The following RPP30 variants were observed in gnomAD, a reference collection of about 807,000 sequenced individuals.
RPP30 encodes ribonuclease P protein subunit p30.
RPP30 carries 36 observed loss-of-function variants against 38.6 expected under a neutral mutation model. That is an observed-to-expected ratio of 0.93 (90% CI 0.71 to 1.23). The LOEUF (loss-of-function observed/expected upper bound fraction) is 1.23, where lower values mean the gene tolerates loss of function less well. Ranked by LOEUF, RPP30 falls within the 50% of genes most tolerant of loss-of-function variation. The pLI is 0.00. For missense variants in RPP30, 321 were observed against 321.7 expected, an observed-to-expected ratio of 1.00 and a Z score of 0.02; for synonymous variants, 126 against 112.7, an observed-to-expected ratio of 1.12 and a Z score of -0.75.
At chr10:90,886,838 A>G (rs1403176270) in intron 6 of RPP30, among the ~76,000 whole-genome samples, 1 of 152,248 alleles carries the variant, frequency 6.6e-6, no homozygotes, top group African/African-American at 2.4e-5. Context: ...TTGCCTCTGT[A>G]GAATCATAAC....
At chr10:90,895,012 A>G in intron 7 of RPP30, 121 bp downstream of exon 7, 1 of 794,550 alleles carries the variant, frequency 1.3e-6, no homozygotes, top group South Asian at 1.4e-5. Context: ...ATAGGAACAA[A>G]TTCTGCCATT....
In RPP30 at chr10:90,875,953, T is replaced by C. The variant is rs143777724; in HGVS notation, c.196-71T>C. 9.4e-3 allele frequency: 8,370 copies of C among 889,158 alleles called. 63 individuals are homozygous for C. Among genetic ancestry groups the C allele is most frequent in the Non-Finnish European group, 0.012 (6,245 of 533,378 alleles). The allele number at this position is 889,158 out of a possible 1,614,324, so 55.1% of individuals were successfully genotyped here. ...ATAGCCAGTACCTTTTAATGAATAC[T>C]TTCCACTGGTAAAAAGGAAAATCAA... On this transcript the variant is annotated intron_variant, in intron 3 of 10. Coordinates refer to ENST00000371703, the MANE Select transcript of RPP30 (RefSeq NM_006413.5).
Position 90,872,011 on chromosome 10 carries a change from C to A in RPP30, c.25C>A (p.Leu9Met), listed in dbSNP as rs201210847. 14 of 1,614,146 alleles carry A rather than the reference C, an allele frequency of 8.7e-6. No homozygotes were observed. The East Asian group carries it at 2.9e-4, about 33-fold the overall frequency. ...CATGGCGGTGTTTGCAGATTTGGAC[C>A]TGCGAGCGGGTTCTGACCTGAAGGC... is the stretch of plus-strand genomic sequence containing the variant. MAVFADLD[L>M]RAGSDLKALR... The change falls in exon 1 of 11, where the codon CTG (leucine) becomes ATG (methionine). Residue 9 changes from leucine (L) to methionine (M), a missense_variant. Physicochemically the swap from Leu to Met is conservative, Grantham distance 15. Transcript: ENST00000371703.
In RPP30 at chr10:90,872,010, C is replaced by A. The variant is rs991727499; in HGVS notation, c.24C>A (p.Asp8Glu). The change falls in exon 1 of 11, where the codon GAC becomes GAA. Residue 8 changes from aspartate to glutamate, a missense_variant. Physicochemically the swap from Asp to Glu is conservative, Grantham distance 45. Transcript: ENST00000371703. ...GCATGGCGGTGTTTGCAGATTTGGA[C>A]CTGCGAGCGGGTTCTGACCTGAAGG... is the stretch of plus-strand genomic sequence containing the variant. MAVFADL[D>E]LRAGSDLKAL... 6.2e-7 allele frequency: 1 copy of A among 1,614,092 alleles called. No individual in the cohort carries two copies. Among genetic ancestry groups the A allele is most frequent in the Non-Finnish European group, 8.5e-7 (1 of 1,179,966 alleles).
At chr10:90,883,907 C>CT (rs945944696) in intron 5 of RPP30, among the ~76,000 whole-genome samples, 31 of 152,102 alleles carry the variant, frequency 2.0e-4, no homozygotes, top group Admixed American at 7.2e-4. Context: ...TTTTGTGTAT[C>CT]TTTTTAGAAA....
intron 5 of RPP30, among the ~76,000 whole-genome samples, chr10:90,879,367 C>T (rs552303706): frequency 5.3e-5 from 8 of 151,916 alleles, no homozygotes; most frequent in Non-Finnish European, 7.4e-5. Flanking sequence ...TTGAAAGAGC[C>T]CGTTTTCTTC....
At chr10:90,900,470 A>G (rs932825898) in intron 10 of RPP30, 100 bp from the exon 11 acceptor site, 22 of 1,189,054 alleles carry the variant, frequency 1.9e-5, no homozygotes, top group Non-Finnish European at 2.6e-5. Flanking sequence ...ATTATGGCTT[A>G]TCATTTGCTA....
chr10:90,900,428 A>G, intron 10 of RPP30, 142 bp from the exon 11 acceptor site: 1 of 721,856 alleles, frequency 1.4e-6, no homozygotes, highest in South Asian at 2.2e-5. Context: ...AAAGATAATG[A>G]CGGTAAATGG....
chr10:90,907,705 ACTTGATT>A (rs1013567664), downstream of RPP30, among the ~76,000 whole-genome samples: 5 of 152,164 alleles, frequency 3.3e-5, no homozygotes, highest in African/African-American at 1.2e-4. Context: ...TACCTGGAAC[ACTTGATT>A]CTTGAATAAC....
intron 5 of RPP30, among the ~76,000 whole-genome samples, chr10:90,880,794 A>G (rs1462348673): frequency 6.6e-6 from 1 of 151,444 alleles, no homozygotes; most frequent in Non-Finnish European, 1.5e-5. Context: ...AGTAGAAGCA[A>G]GTGATTTTTA....
chr10:90,895,762 C>A, intron 8 of RPP30, 118 bp from the exon 9 acceptor site: 1 of 758,428 alleles, frequency 1.3e-6, no homozygotes, highest in Non-Finnish European at 2.1e-6. Context: ...ATTATAAGGA[C>A]TTAAATTTAT....
rs59418716 is a variant in RPP30, at chr10:90,901,140, AT to A, written c.*483del. 26,881 of 120,152 alleles carry A rather than the reference AT, an allele frequency of 0.22. 2,848 individuals carry two copies. Among genetic ancestry groups the A allele is most frequent in the African/African-American group, 0.39 (10,816 of 27,634 alleles). The allele number at this position is 120,152 out of a possible 1,614,324, so 7.4% of individuals were successfully genotyped here. On this transcript the variant is annotated 3_prime_UTR_variant, in exon 11 of 11. Coordinates refer to ENST00000371703, the MANE Select transcript of RPP30 (RefSeq NM_006413.5). ...CAGGTGTGCACTACCACACCTGGCTATTTTTTTTTTTTTTTTTTTTTTCCCT... is the reference window on the plus strand; with the variant it reads ...CAGGTGTGCACTACCACACCTGGCTATTTTTTTTTTTTTTTTTTTTTCCCT...
In RPP30 at chr10:90,876,186, T is replaced by C. The variant is rs1846849934; in HGVS notation, c.270+88T>C. ...AATGTTGCATTTTGTCTTCCCCATT[T>C]TACATTTTCCCTCGCCCCCGCCAAA... On this transcript the variant is annotated intron_variant, in intron 4 of 10. Transcript: ENST00000371703. 5.7e-6 allele frequency: 5 copies of C among 876,188 alleles called. No individual in the cohort carries two copies. In the South Asian group the frequency reaches 7.5e-5, roughly 13 times the overall value. 54.3% of individuals were successfully genotyped at this position (876,188 alleles called of 1,614,324 possible).
chr10:90,903,353 T>A, downstream of RPP30: 1 of 809,058 alleles, frequency 1.2e-6, no homozygotes, highest in Non-Finnish European at 2.1e-6. Context: ...TTTTGCGACG[T>A]CCCACCTTAA....
intron 6 of RPP30, among the ~76,000 whole-genome samples, chr10:90,887,740 A>G (rs941722690): frequency 1.3e-5 from 2 of 152,194 alleles, no homozygotes; most frequent in Non-Finnish European, 2.9e-5. Context: ...AGCTCAAATC[A>G]TTGGTTCCTT....
downstream of RPP30, chr10:90,903,204 A>G (rs375970711): frequency 6.0e-5 from 96 of 1,599,546 alleles, 1 homozygote; most frequent in Non-Finnish European, 8.1e-5. Context: ...ACTAGAATTC[A>G]ACAAAGACAA....
chr10:90,872,155 C>T lies in RPP30; in HGVS notation c.82+87C>T, dbSNP rs560699716. On this transcript the variant is annotated intron_variant, in intron 1 of 10. Transcript: ENST00000371703. ...CCGGAGTAACTATTTCCTGATGGGT[C>T]TCGGTCAGGTCTCCCAGAGTCTCTG... 1.2e-4 allele frequency: 132 copies of T among 1,118,578 alleles called. 1 individual carries two copies. The South Asian group carries it at 1.6e-3, about 13-fold the overall frequency. 69.3% of individuals were successfully genotyped at this position (1,118,578 alleles called of 1,614,324 possible).
At chr10:90,900,234 G>A (rs1354410276) in intron 10 of RPP30, among the ~76,000 whole-genome samples, 1 of 152,188 alleles carries the variant, frequency 6.6e-6, no homozygotes, top group Non-Finnish European at 1.5e-5. Flanking sequence ...TTGCTCTCTT[G>A]ATTTGTCTGT....
At chr10:90,902,940 T>C, downstream of RPP30, among the ~76,000 whole-genome samples, 1 of 152,196 alleles carries the variant, frequency 6.6e-6, no homozygotes, top group East Asian at 1.9e-4. Context: ...TATTCACAAA[T>C]CTGTTTAAGG....
Sources: allele counts gnomAD v4.1 joint callset (sites outside exome capture counted in the v4.1 genomes callset), GRCh38; gene constraint gnomAD v4.1.1; transcripts MANE v1.5; gene names NCBI Gene and HGNC (gene_info 2026-07-23, HGNC 2026-07-21).